The following RUNX3 variants were observed in gnomAD, a reference collection of about 807,000 sequenced individuals.
RUNX3 encodes the protein runt-related transcription factor 3.
Under a neutral mutation model 27.7 loss-of-function variants are expected in RUNX3, and 10 were observed. The ratio of observed to expected loss-of-function variants is 0.36; its 90% CI spans 0.22 to 0.61. The LOEUF (loss-of-function observed/expected upper bound fraction) is 0.61, where lower values mean the gene tolerates loss of function less well. RUNX3 is among the 20% of genes least tolerant of loss of function. The probability of loss-of-function intolerance (pLI) is 0.72; values close to 1 mark genes in which losing one functional copy is unlikely to be tolerated. For missense variants in RUNX3, 469 were observed against 629.5 expected, an observed-to-expected ratio of 0.75 and a Z score of 2.73; for synonymous variants, 270 against 269.2, an observed-to-expected ratio of 1.00 and a Z score of -0.03.
intron 2 of RUNX3, among the ~76,000 whole-genome samples, chr1:24,957,378 ATCCATTCT>A (rs1641967346): frequency 1.3e-5 from 2 of 151,782 alleles, no homozygotes; most frequent in Admixed American, 6.6e-5. Flanking sequence ...CCATCCATCC[ATCCATTCT>A]TTCTTTCTTT....
At position 24,916,752 on chromosome 1, in the gene RUNX3, A is replaced by G. The variant is rs1377397468; in HGVS notation, c.544+2488T>C. ...ACCTAGTAGACTGCCCCCCGACTCC[A>G]TCTCTGCTCTGTTCTGTAAATAAAA... On this transcript the variant is annotated intron_variant, in intron 3 of 4. Transcript: ENST00000308873. This position sits in a 1 kb window ranked among gnomAD's most constrained non-coding sequence, Gnocchi z 4.8. 6.6e-6 allele frequency among the ~76,000 whole-genome samples: 1 copy of G among 152,084 alleles called. No individual in the cohort carries two copies. The highest frequency in any genetic ancestry group is 2.4e-5 in the African/African-American group (1 of 41,400).
intron 2 of RUNX3, among the ~76,000 whole-genome samples, chr1:24,925,162 C>A (rs2124296705): frequency 6.6e-6 from 1 of 152,342 alleles, no homozygotes; most frequent in Admixed American, 6.5e-5. Context: ...TTGTCACTGT[C>A]AACCACTGAC....
In RUNX3 at chr1:24,929,917, C is replaced by T. The variant is rs1380994999; in HGVS notation, c.-49G>A. Reference sequence around the variant, plus strand: ...GCAGGCGGAGACGGCGCGGCTTCCCCCGGGGGCGGCCGGCGCGGGCGCCTC... The same window carrying T: ...GCAGGCGGAGACGGCGCGGCTTCCCTCGGGGGCGGCCGGCGCGGGCGCCTC... On this transcript the variant is annotated 5_prime_UTR_variant, in exon 1 of 5. Coordinates refer to ENST00000308873, the MANE Select transcript of RUNX3 (RefSeq NM_004350.3). 19 of 1,229,476 alleles carry T rather than the reference C, an allele frequency of 1.5e-5. No individual in the cohort carries two copies. Among genetic ancestry groups the T allele is most frequent in the South Asian group, 3.8e-5 (1 of 26,524 alleles). 76.2% of individuals were successfully genotyped at this position (1,229,476 alleles called of 1,614,324 possible).
intron 2 of RUNX3, among the ~76,000 whole-genome samples, chr1:24,940,781 G>A (rs1275373683): frequency 6.6e-6 from 1 of 151,646 alleles, no homozygotes; most frequent in East Asian, 1.9e-4. Flanking sequence ...CTTGCCACCT[G>A]TGATGAGTAG....
chr1:24,945,536 A>G (rs529483372), intron 2 of RUNX3, among the ~76,000 whole-genome samples: 23 of 152,214 alleles, frequency 1.5e-4, no homozygotes, highest in Non-Finnish European at 3.1e-4. Context: ...GGTTCTTGCA[A>G]TAACCCAATG....
intron 2 of RUNX3, among the ~76,000 whole-genome samples, chr1:24,920,286 C>T (rs1228325854): frequency 6.6e-6 from 1 of 151,768 alleles, no homozygotes; most frequent in South Asian, 2.1e-4. Context: ...GTCTGCATCT[C>T]TGCTTATTTC....
At chr1:24,952,527 T>C (rs1375566460) in intron 2 of RUNX3, among the ~76,000 whole-genome samples, 2 of 152,232 alleles carry the variant, frequency 1.3e-5, no homozygotes, top group Non-Finnish European at 2.9e-5. Flanking sequence ...TGATAACATC[T>C]GAACACACGT....
At chr1:24,906,442 T>C (rs955305191) in intron 4 of RUNX3, among the ~76,000 whole-genome samples, 2 of 152,236 alleles carry the variant, frequency 1.3e-5, no homozygotes, top group Non-Finnish European at 2.9e-5. Flanking sequence ...CCAAGCACCC[T>C]TGGCACCCCA....
intron 3 of RUNX3, among the ~76,000 whole-genome samples, chr1:24,915,510 G>GT (rs1230906271): frequency 6.6e-6 from 1 of 152,204 alleles, no homozygotes; most frequent in African/African-American, 2.4e-5. Context: ...GGTGGTAGTG[G>GT]TAAGTGCTCG....
At position 24,904,863 on chromosome 1, in the gene RUNX3, C is replaced by T. The variant is rs938355367; in HGVS notation, c.704-2197G>A. Among the ~76,000 whole-genome samples the T allele has an allele frequency of 6.6e-6, 1 of 152,194 alleles. No homozygotes were observed. The highest frequency in any genetic ancestry group is 1.5e-5 in the Non-Finnish European group (1 of 68,014). ...CAGCTTCCTTGGAGCTCCTGTACCC[C>T]CACCCTGCGGCCTCGCAGCCCCAGG... On this transcript the variant is annotated intron_variant, in intron 4 of 4. Coordinates refer to ENST00000308873, the MANE Select transcript of RUNX3 (RefSeq NM_004350.3). This position sits in a 1 kb window ranked among gnomAD's most constrained non-coding sequence, Gnocchi z 5.7.
chr1:24,939,295 C>G (rs1173544721), intron 2 of RUNX3, among the ~76,000 whole-genome samples: 4 of 152,244 alleles, frequency 2.6e-5, no homozygotes, highest in Non-Finnish European at 5.9e-5. Flanking sequence ...ACTGGCAGCT[C>G]ACACCCACAT....
chr1:24,940,566 T>C (rs1416217389), intron 2 of RUNX3, among the ~76,000 whole-genome samples: 1 of 152,106 alleles, frequency 6.6e-6, no homozygotes, highest in East Asian at 1.9e-4. Flanking sequence ...ACATTGAAGG[T>C]GAAAAGCAGA....
intron 4 of RUNX3, among the ~76,000 whole-genome samples, chr1:24,906,602 G>GGCTGCAACTGTGCTT (rs1438395907): frequency 2.0e-5 from 3 of 152,236 alleles, no homozygotes; most frequent in Non-Finnish European, 4.4e-5. Flanking sequence ...CCTGAGGCCT[G>GGCTGCAACTGTGCTT]GCTGCAACTG....
At chr1:24,941,823 T>C (rs1641485981) in intron 2 of RUNX3, among the ~76,000 whole-genome samples, 1 of 152,194 alleles carries the variant, frequency 6.6e-6, no homozygotes, top group African/African-American at 2.4e-5. Flanking sequence ...GTGCTGAGGC[T>C]GTGGGTACAG....
chr1:24,938,710 T>A (rs2124331352), intron 2 of RUNX3, among the ~76,000 whole-genome samples: 1 of 152,266 alleles, frequency 6.6e-6, no homozygotes, highest in South Asian at 2.1e-4. Flanking sequence ...AGTGATTAAG[T>A]GGTGAAGGCT....
chr1:24,936,317 T>C (rs1036879191), intron 2 of RUNX3, among the ~76,000 whole-genome samples: 7 of 152,248 alleles, frequency 4.6e-5, no homozygotes, highest in Admixed American at 4.6e-4. Flanking sequence ...AAGTAACTTG[T>C]CCAAGTTGGC....
Position 24,902,114 on chromosome 1 carries a change from C to T in RUNX3, c.*8G>A. 2 of 1,527,528 alleles carry T rather than the reference C, an allele frequency of 1.3e-6. No homozygotes were observed. The highest frequency in any genetic ancestry group is 1.4e-5 in the African/African-American group (1 of 73,704). The allele number at this position is 1,527,528 out of a possible 1,614,324, so 94.6% of individuals were successfully genotyped here. ...CCCGCCTCCAGCGGGAGGAGTCCAC[C>T]AGGGCGGTCAGTAGGGCCGCCACAC... On this transcript the variant is annotated 3_prime_UTR_variant, in exon 5 of 5. Coordinates refer to ENST00000308873, the MANE Select transcript of RUNX3 (RefSeq NM_004350.3). The surrounding 1 kb of genome is among the most constrained non-coding windows in gnomAD (Gnocchi z 9.2).
chr1:24,905,020 A>G (rs776013185), intron 4 of RUNX3, among the ~76,000 whole-genome samples: 2 of 152,080 alleles, frequency 1.3e-5, no homozygotes, highest in Non-Finnish European at 2.9e-5. Context: ...AGAAGCCCCC[A>G]TTGTGGGCGG....
intron 2 of RUNX3, among the ~76,000 whole-genome samples, chr1:24,938,308 C>A (rs1641395057): frequency 6.6e-6 from 1 of 152,214 alleles, no homozygotes; most frequent in African/African-American, 2.4e-5. Context: ...TTCTAGAATT[C>A]CATATTAATC....
Sources: gnomAD v4.1 joint callset for allele counts (sites outside exome capture counted in the v4.1 genomes callset) on GRCh38, gnomAD v4.1.1 for gene constraint, Gnocchi (gnomAD v3.1) non-coding constraint, MANE v1.5 for transcripts, NCBI Gene and HGNC (gene_info 2026-07-23, HGNC 2026-07-21) for gene names.